The following DMD variants were observed in gnomAD, a reference collection of about 807,000 sequenced individuals.
DMD encodes dystrophin.
A neutral mutation model predicts 330.1 loss-of-function variants in DMD; 63 were observed. That is an observed-to-expected ratio of 0.19 (90% CI 0.16 to 0.24). The LOEUF (loss-of-function observed/expected upper bound fraction) is 0.24. Among genes scored for constraint, DMD ranks in the 10% least tolerant of loss-of-function variants. The pLI is 1.00. For synonymous variants in DMD, 1,223 were observed against 959.8 expected (o/e 1.27, Z -5.07); for missense variants, 3,344 against 2,684.1 (o/e 1.25, Z -5.43).
chrX:32,938,769 A>G (rs113605304), intron 2 of DMD, among the ~76,000 whole-genome samples: 33,164 of 110,511 alleles, frequency 0.3, 3,834 homozygotes, highest in African/African-American at 0.39. Flanking sequence ...TAGAATATAG[A>G]TTCTCACCAG....
At chrX:31,628,938 AT>A (rs1292487201) in intron 54 of DMD, among the ~76,000 whole-genome samples, 2 of 104,678 alleles carry the variant, frequency 1.9e-5, no homozygotes, top group African/African-American at 6.9e-5. Flanking sequence ...ATATATATAT[AT>A]ATAAAATGCA....
At chrX:31,433,330 G>C (rs1241586592) in intron 60 of DMD, among the ~76,000 whole-genome samples, 2 of 111,781 alleles carry the variant, frequency 1.8e-5, no homozygotes, top group African/African-American at 3.3e-5. Context: ...TTATGTCTTT[G>C]CTATTGTGAA....
intron 25 of DMD, among the ~76,000 whole-genome samples, chrX:32,456,968 A>G (rs1021060522): frequency 1.9e-5 from 2 of 104,358 alleles, no homozygotes; most frequent in African/African-American, 3.4e-5. Flanking sequence ...TAAAAAAAAA[A>G]AAAAAAAAAA....
intron 44 of DMD, among the ~76,000 whole-genome samples, chrX:32,123,124 T>A (rs2146795752): frequency 1.0e-5 from 1 of 99,668 alleles, no homozygotes; most frequent in Non-Finnish European, 2.0e-5. Flanking sequence ...TGTGTGTTCA[T>A]CTTGTATACA....
intron 9 of DMD, among the ~76,000 whole-genome samples, chrX:32,659,508 G>A (rs2060808522): frequency 9.1e-6 from 1 of 110,313 alleles, no homozygotes; most frequent in Admixed American, 9.7e-5. Context: ...CAATTATAAG[G>A]GTGTGATTGT....
At chrX:32,034,006 T>C (rs758558522) in intron 44 of DMD, among the ~76,000 whole-genome samples, 1 of 111,507 alleles carries the variant, frequency 9.0e-6, no homozygotes, top group South Asian at 3.8e-4. Context: ...GAGAAGCTTT[T>C]TTAGACACCA....
intron 1 of DMD, among the ~76,000 whole-genome samples, chrX:33,144,839 C>T (rs2047951351): frequency 8.9e-6 from 1 of 111,874 alleles, no homozygotes; most frequent in Admixed American, 9.5e-5. Flanking sequence ...CACTGGAAAA[C>T]CCACCATTTC....
At chrX:32,582,364 T>C (rs1455079993) in intron 13 of DMD, among the ~76,000 whole-genome samples, 3 of 111,404 alleles carry the variant, frequency 2.7e-5, no homozygotes, top group Admixed American at 1.9e-4. Flanking sequence ...TCAGCACAAA[T>C]AGAAAATGAA....
chrX:31,422,036 TATATATA>T (rs1243063326), intron 60 of DMD, among the ~76,000 whole-genome samples: 84 of 7,548 alleles, frequency 0.011, 2 homozygotes, highest in East Asian at 0.049. Flanking sequence ...CACATATATA[TATATATA>T]TTTTTTTTTT....
Position 32,422,263 on chromosome X carries a change from A to G in DMD, c.4072-10350T>C, listed in dbSNP as rs139413889. ...TCTAGACTGGGGTTCACAAACCTGA[A>G]TAATCATCAGAATGAACTTTTCCAA... is the stretch of plus-strand genomic sequence containing the variant. On this transcript the variant is annotated intron_variant, in intron 29 of 78. Transcript: ENST00000357033. 1.2e-3 allele frequency among the ~76,000 whole-genome samples: 137 copies of G among 111,565 alleles called. 1 individual carries two copies. Among genetic ancestry groups the G allele is most frequent in the African/African-American group, 4.2e-3 (128 of 30,730 alleles).
chrX:33,247,018 TAAAC>T (rs1264494343), intron 1 of DMD, among the ~76,000 whole-genome samples: 1 of 111,948 alleles, frequency 8.9e-6, no homozygotes, highest in Admixed American at 9.5e-5. Flanking sequence ...TTTTAGTACT[TAAAC>T]AAAGCCTTAA....
chrX:31,710,148 G>A (rs1281438436), intron 52 of DMD, among the ~76,000 whole-genome samples: 3 of 111,721 alleles, frequency 2.7e-5, no homozygotes, highest in Non-Finnish European at 5.6e-5. Context: ...ATCTTTGTGG[G>A]AAATGTCGTT....
At chrX:31,697,337 G>A (rs1156623378) in intron 52 of DMD, among the ~76,000 whole-genome samples, 1 of 111,827 alleles carries the variant, frequency 8.9e-6, no homozygotes, top group African/African-American at 3.2e-5. Context: ...GTGCATGTTT[G>A]TAATTGAAGA....
Position 32,372,296 on chromosome X carries a change from T to C in DMD, c.4846-7097A>G, listed in dbSNP as rs146569666. 4.2e-3 allele frequency among the ~76,000 whole-genome samples: 472 copies of C among 111,963 alleles called. 1 individual carries two copies. Among genetic ancestry groups the C allele is most frequent in the African/African-American group, 0.014 (436 of 30,924 alleles). On this transcript the variant is annotated intron_variant, in intron 34 of 78. Coordinates refer to ENST00000357033, the MANE Select transcript of DMD (RefSeq NM_004006.3). ...TGTGTCAGGCAATATCTTATGTACA[T>C]GGGAAATATCAGAGACCAAAATACA... is the stretch of plus-strand genomic sequence containing the variant.
At chrX:32,004,622 G>A (rs1029221595) in intron 44 of DMD, among the ~76,000 whole-genome samples, 3 of 111,535 alleles carry the variant, frequency 2.7e-5, no homozygotes, top group Non-Finnish European at 5.7e-5. Context: ...GGATGAACAT[G>A]TCCATCAGAG....
intron 76 of DMD, among the ~76,000 whole-genome samples, chrX:31,140,896 T>C (rs1454602014): frequency 8.9e-6 from 1 of 111,901 alleles, no homozygotes; most frequent in Non-Finnish European, 1.9e-5. Flanking sequence ...TACTAGTAAC[T>C]GGCTGAAAAC....
intron 9 of DMD, among the ~76,000 whole-genome samples, chrX:32,680,722 G>A (rs1371031896): frequency 9.0e-6 from 1 of 110,880 alleles, no homozygotes; most frequent in African/African-American, 3.3e-5. Flanking sequence ...TTCATTTTGA[G>A]CCTCAACATT....
At chrX:32,679,079 T>G (rs1255536817) in intron 9 of DMD, among the ~76,000 whole-genome samples, 2 of 111,895 alleles carry the variant, frequency 1.8e-5, no homozygotes. Flanking sequence ...GTTATAAATC[T>G]TACAAAAATA....
chrX:31,559,628 G>A (rs1322542481), intron 55 of DMD, among the ~76,000 whole-genome samples: 4 of 36,823 alleles, frequency 1.1e-4, no homozygotes, highest in Admixed American at 4.9e-4. Flanking sequence ...GCGACAGAGC[G>A]AAACTCCGTC....
Sources: allele counts gnomAD v4.1 joint callset (sites outside exome capture counted in the v4.1 genomes callset), GRCh38; gene constraint gnomAD v4.1.1; transcripts MANE v1.5; gene names NCBI Gene and HGNC (gene_info 2026-07-23, HGNC 2026-07-21).